The following MAGEA6 variants were observed in gnomAD, a reference collection of about 807,000 sequenced individuals.
MAGEA6 encodes the protein melanoma-associated antigen 6.
For synonymous variants in MAGEA6, 100 were observed against 98.8 expected (o/e 1.01, Z -0.07); for missense variants, 281 against 231.4 (o/e 1.21, Z -1.39).
chrX:152,766,398 G>C lies in MAGEA6; in HGVS notation c.*308C>G, dbSNP rs1471265369. On this transcript the variant is annotated 3_prime_UTR_variant, in exon 3 of 3. Transcript: ENST00000329342. ...ATTTCCCAATCTGAATAAAAAACAA[G>C]ACTCTTACTCCTAAACTATATAAAC... The C allele has an allele frequency of 3.2e-5, 12 of 377,267 alleles. No individual in the cohort carries two copies. The highest frequency in any genetic ancestry group is 1.3e-4 in the South Asian group (4 of 30,030). 31.1% of individuals were successfully genotyped at this position (377,267 alleles called of 1,213,427 possible).
chrX:152,766,667 C>G lies in MAGEA6; in HGVS notation c.*39G>C, dbSNP rs782658437. The G allele has an allele frequency of 4.2e-6, 5 of 1,187,331 alleles. No individual in the cohort carries two copies. Among genetic ancestry groups the G allele is most frequent in the Non-Finnish European group, 3.4e-6 (3 of 881,080 alleles). On this transcript the variant is annotated 3_prime_UTR_variant, in exon 3 of 3. Transcript: ENST00000329342. Reference sequence around the variant, plus strand: ...GCCCCGGAAGGTGCACTGGCCCAAACCCCCTCCCACTGGCCCTGGCTGCAA... The same window carrying G: ...GCCCCGGAAGGTGCACTGGCCCAAAGCCCCTCCCACTGGCCCTGGCTGCAA...
In MAGEA6 at chrX:152,766,749, T is replaced by C. The variant is rs2124948007; in HGVS notation, c.902A>G (p.Tyr301Cys). ...VKISGGPRIS[Y>C]PLLHEWALRE... ...CAAAGCCCACTCATGCAGGAGTGGG[T>C]AGGAAATGCGAGGTCCTCCACTGAT... Residue 301 changes from tyrosine (Y) to cysteine (C), a missense_variant, in exon 3 of 3, where the codon TAC (tyrosine) becomes TGC (cysteine). By Grantham distance (194) the Tyr-to-Cys change is radical (BLOSUM62 -2). Transcript: ENST00000329342. 5.0e-6 allele frequency: 6 copies of C among 1,209,821 alleles called. No homozygotes were observed. Among genetic ancestry groups the C allele is most frequent in the Non-Finnish European group, 3.4e-6 (3 of 894,443 alleles).
At position 152,766,456 on chromosome X, in the gene MAGEA6, C is replaced by G; in HGVS notation, c.*250G>C. Reference sequence around the variant, plus strand: ...TGTGTGACTACTGTCATTCATAAACCTGGATGCTGACGCTCATTCAACCAT... The same window carrying G: ...TGTGTGACTACTGTCATTCATAAACGTGGATGCTGACGCTCATTCAACCAT... On this transcript the variant is annotated 3_prime_UTR_variant, in exon 3 of 3. Coordinates refer to ENST00000329342, the MANE Select transcript of MAGEA6 (RefSeq NM_005363.5). The G allele has an allele frequency of 2.4e-6, 1 of 423,125 alleles. No homozygotes were observed. The highest frequency in any genetic ancestry group is 4.1e-5 in the Admixed American group (1 of 24,563). The allele number at this position is 423,125 out of a possible 1,213,427, so 34.9% of individuals were successfully genotyped here.
rs1556836862 is a variant in MAGEA6, at chrX:152,766,747, G to A, written c.904C>T (p.Pro302Ser). 2 of 1,210,422 alleles carry A rather than the reference G, an allele frequency of 1.7e-6. No homozygotes were observed. The highest frequency in any genetic ancestry group is 2.2e-5 in the Admixed American group (1 of 46,005). ...KISGGPRISY[P>S]LLHEWALREG... ...CTCAAAGCCCACTCATGCAGGAGTG[G>A]GTAGGAAATGCGAGGTCCTCCACTG... The change falls in exon 3 of 3, where the codon CCA becomes TCA. Residue 302 changes from proline to serine, a missense_variant. Physicochemically the swap from Pro to Ser is moderately conservative, Grantham distance 74. Transcript: ENST00000329342.
rs1189962422 is a variant in MAGEA6, at chrX:152,767,427, A to G, written c.224T>C (p.Met75Thr). 1.7e-6 allele frequency: 2 copies of G among 1,197,480 alleles called. No homozygotes were observed. The highest frequency in any genetic ancestry group is 2.2e-6 in the Non-Finnish European group (2 of 889,429). ...GGATTGGCTCCAGAGAGGGTAGTTCATGGTAGTGGGGAGGCTGGAGGCTCC... is the reference window on the plus strand; with the variant it reads ...GGATTGGCTCCAGAGAGGGTAGTTCGTGGTAGTGGGGAGGCTGGAGGCTCC... ...PQGASSLPTT[M>T]NYPLWSQSYE... Residue 75 changes from methionine to threonine, a missense_variant, in exon 3 of 3, where the codon ATG becomes ACG. Coordinates refer to ENST00000329342, the MANE Select transcript of MAGEA6 (RefSeq NM_005363.5).
At position 152,767,278 on chromosome X, in the gene MAGEA6, G is replaced by T; in HGVS notation, c.373C>A (p.Arg125=). ...GCCTTTGTGACCGGCTCCCTGGCTC[G>T]ATACTTGAGGAGCAGAAAATGAACC... The part of the protein sequence containing the change: ...KLVHFLLLKY[R]AREPVTKAEM... The change falls in exon 3 of 3, where the codon CGA becomes AGA. Residue 125 remains arginine, a synonymous_variant. Transcript: ENST00000329342. 5.0e-6 allele frequency: 6 copies of T among 1,210,460 alleles called. No homozygotes were observed. The highest frequency in any genetic ancestry group is 5.6e-6 in the Non-Finnish European group (5 of 894,659).
rs1377414457 is a variant in MAGEA6 at position 152,767,817 on chromosome X, C to T, written c.-87G>A. ...TTACAGATCTTCTCCTTCAGTGCTC[C>T]TCCGGGGGCCTCTGTTCCTCCACGT... On this transcript the variant is annotated 5_prime_UTR_variant, in exon 2 of 3. Coordinates refer to ENST00000329342, the MANE Select transcript of MAGEA6 (RefSeq NM_005363.5). 210 of 254,184 alleles carry T rather than the reference C, an allele frequency of 8.3e-4. 27 individuals carry two copies. The highest frequency in any genetic ancestry group is 5.8e-3 in the African/African-American group (194 of 33,677). The allele number at this position is 254,184 out of a possible 1,213,427, so 20.9% of individuals were successfully genotyped here. A position where few individuals can be genotyped will look rare whatever the true frequency, so the allele number is the denominator to read the frequency against.
Position 152,766,419 on chromosome X carries a change from TA to T in MAGEA6, c.*286del. The T allele has an allele frequency of 2.4e-6, 1 of 409,303 alleles. No homozygotes were observed. The highest frequency in any genetic ancestry group is 4.5e-6 in the Non-Finnish European group (1 of 223,627). The allele number at this position is 409,303 out of a possible 1,213,427, so 33.7% of individuals were successfully genotyped here. A position where few individuals can be genotyped will look rare whatever the true frequency, so the allele number is the denominator to read the frequency against. On this transcript the variant is annotated 3_prime_UTR_variant, in exon 3 of 3. Coordinates refer to ENST00000329342, the MANE Select transcript of MAGEA6 (RefSeq NM_005363.5). ...ACAAGACTCTTACTCCTAAACTATA[TA>T]AACAGCACTATGTGTGACTACTGTC...
In MAGEA6 at chrX:152,766,634, G is replaced by C. The variant is rs3567; in HGVS notation, c.*72C>G. 150 of 1,114,790 alleles carry C rather than the reference G, an allele frequency of 1.3e-4. No individual in the cohort carries two copies. The highest frequency in any genetic ancestry group is 1.3e-3 in the African/African-American group (73 of 54,450). 91.9% of individuals were successfully genotyped at this position (1,114,790 alleles called of 1,213,427 possible). ...CGTCACAGGAGGCAGTGGAAACTAA[G>C]GGATGGGGCCCCGGAAGGTGCACTG... On this transcript the variant is annotated 3_prime_UTR_variant, in exon 3 of 3. Transcript: ENST00000329342.
chrX:152,766,901 G>A lies in MAGEA6; in HGVS notation c.750C>T (p.Phe250=), dbSNP rs782585932. 5.8e-6 allele frequency: 7 copies of A among 1,209,303 alleles called. No individual in the cohort carries two copies. Among genetic ancestry groups the A allele is most frequent in the East Asian group, 3.0e-5 (1 of 33,738 alleles). ...GGTACTCCAGGTAGTTTTCCTGCACGAAATATTGGGTGAGCAGCTTCTTGG... is the reference window on the plus strand; with the variant it reads ...GGTACTCCAGGTAGTTTTCCTGCACAAAATATTGGGTGAGCAGCTTCTTGG... The part of the protein sequence containing the change: ...GDPKKLLTQY[F]VQENYLEYRQ... Residue 250 remains phenylalanine, a synonymous_variant, in exon 3 of 3, where the codon TTC becomes TTT. Coordinates refer to ENST00000329342, the MANE Select transcript of MAGEA6 (RefSeq NM_005363.5).
chrX:152,767,089 C>T lies in MAGEA6; in HGVS notation c.562G>A (p.Gly188Ser), dbSNP rs1932748747. The stretch of plus-strand genomic sequence containing the variant: ...ATGATCTGATTGTCACCCAGCAGGC[C>T]ATCGTAGGAGAGGCCCAGGCAGGTG... ...FATCLGLSYD[G>S]LLGDNQIMPK... is the part of the protein sequence containing the mutation. The change falls in exon 3 of 3, where the codon GGC becomes AGC. Residue 188 changes from glycine to serine, a missense_variant. Gly to Ser is a moderately conservative substitution (Grantham distance 56, BLOSUM62 0). Coordinates refer to ENST00000329342, the MANE Select transcript of MAGEA6 (RefSeq NM_005363.5). The T allele has an allele frequency of 9.1e-6, 11 of 1,210,789 alleles. No homozygotes were observed. Among genetic ancestry groups the T allele is most frequent in the Non-Finnish European group, 1.2e-5 (11 of 894,746 alleles).
At chrX:152,768,506 G>A (rs1932768138) in intron 1 of MAGEA6, among the ~76,000 whole-genome samples, 1 of 76,713 alleles carries the variant, frequency 1.3e-5, no homozygotes, top group African/African-American at 4.1e-5. Flanking sequence ...CTACTGCCCT[G>A]AGTGCAGTCC....
chrX:152,766,698 G>A lies in MAGEA6; in HGVS notation c.*8C>T. ...CCCACTGGCCCTGGCTGCAACTCGT[G>A]CTCAGACTCACTCTTCCCCCTCTCT... On this transcript the variant is annotated 3_prime_UTR_variant, in exon 3 of 3. Coordinates refer to ENST00000329342, the MANE Select transcript of MAGEA6 (RefSeq NM_005363.5). The A allele has an allele frequency of 8.3e-7, 1 of 1,206,207 alleles. No homozygotes were observed.
At position 152,767,277 on chromosome X, in the gene MAGEA6, C is replaced by T. The variant is rs782174313; in HGVS notation, c.374G>A (p.Arg125Gln). 362 of 1,208,553 alleles carry T rather than the reference C, an allele frequency of 3.0e-4. No individual in the cohort carries two copies. Among genetic ancestry groups the T allele is most frequent in the Non-Finnish European group, 3.9e-4 (346 of 894,311 alleles). Residue 125 changes from arginine (R) to glutamine (Q), a missense_variant, in exon 3 of 3, where the codon CGA (arginine) becomes CAA (glutamine). Arg to Gln is a conservative substitution (Grantham distance 43, BLOSUM62 1). Coordinates refer to ENST00000329342, the MANE Select transcript of MAGEA6 (RefSeq NM_005363.5). Reference sequence around the variant, plus strand: ...TGCCTTTGTGACCGGCTCCCTGGCTCGATACTTGAGGAGCAGAAAATGAAC... The same window carrying T: ...TGCCTTTGTGACCGGCTCCCTGGCTTGATACTTGAGGAGCAGAAAATGAAC... ...KLVHFLLLKY[R>Q]AREPVTKAEM...
At position 152,766,793 on chromosome X, in the gene MAGEA6, G is replaced by T; in HGVS notation, c.858C>A (p.Val286=). 3 of 1,210,725 alleles carry T rather than the reference G, an allele frequency of 2.5e-6. No individual in the cohort carries two copies. Among genetic ancestry groups the T allele is most frequent in the African/African-American group, 1.7e-5 (1 of 57,732 alleles). The change falls in exon 3 of 3, where the codon GTC becomes GTA. Residue 286 remains valine, a synonymous_variant. Transcript: ENST00000329342. ...RALIETSYVK[V]LHHMVKISGG... is the part of the protein sequence containing the mutation. ...CACTGATCTTTACCATATGGTGCAG[G>T]ACTTTCACATAGCTGGTTTCAATGA...
chrX:152,767,231 G>A lies in MAGEA6; in HGVS notation c.420C>T (p.Val140=), dbSNP rs782249732. The part of the protein sequence containing the change: ...VTKAEMLGSV[V]GNWQYFFPVI... ...CAGGAAAGAAGTACTGCCAATTTCC[G>A]ACGACACTCCCCAGCATTTCTGCCT... The change falls in exon 3 of 3, where the codon GTC becomes GTT. Residue 140 remains valine (V), a synonymous_variant. Transcript: ENST00000329342. 8.3e-7 allele frequency: 1 copy of A among 1,210,484 alleles called. No individual in the cohort carries two copies. Among genetic ancestry groups the A allele is most frequent in the Non-Finnish European group, 1.1e-6 (1 of 894,644 alleles).
At position 152,766,716 on chromosome X, in the gene MAGEA6, C is replaced by G. The variant is rs782098628; in HGVS notation, c.935G>C (p.Gly312Ala). 8.3e-7 allele frequency: 1 copy of G among 1,207,259 alleles called. No individual in the cohort carries two copies. The highest frequency in any genetic ancestry group is 2.2e-5 in the Admixed American group (1 of 45,683). Residue 312 changes from glycine to alanine, a missense_variant, in exon 3 of 3, where the codon GGG becomes GCG. Transcript: ENST00000329342. ...AACTCGTGCTCAGACTCACTCTTCC[C>G]CCTCTCTCAAAGCCCACTCATGCAG... Reference protein sequence around the residue: ...PLLHEWALREGEE With the variant: ...PLLHEWALREAEE
Position 152,766,838 on chromosome X carries a change from G to T in MAGEA6, c.813C>A (p.Phe271Leu). The T allele has an allele frequency of 8.3e-7, 1 of 1,210,848 alleles. No homozygotes were observed. Among genetic ancestry groups the T allele is most frequent in the Non-Finnish European group, 1.1e-6 (1 of 894,735 alleles). The stretch of plus-strand genomic sequence containing the variant: ...CAATGAGGGCCCTTGGACCCCACAG[G>T]AACTCATAGCATGCAGGATCACTGC... The part of the protein sequence containing the change: ...VPGSDPACYE[F>L]LWGPRALIET... The change falls in exon 3 of 3, where the codon TTC becomes TTA. Residue 271 changes from phenylalanine (F) to leucine (L), a missense_variant. Coordinates refer to ENST00000329342, the MANE Select transcript of MAGEA6 (RefSeq NM_005363.5).
chrX:152,766,646 C>G lies in MAGEA6; in HGVS notation c.*60G>C. 8.7e-7 allele frequency: 1 copy of G among 1,155,250 alleles called. No homozygotes were observed. The highest frequency in any genetic ancestry group is 1.2e-6 in the Non-Finnish European group (1 of 859,958). The stretch of plus-strand genomic sequence containing the variant: ...CAGTGGAAACTAAGGGATGGGGCCC[C>G]GGAAGGTGCACTGGCCCAAACCCCC... On this transcript the variant is annotated 3_prime_UTR_variant, in exon 3 of 3. Transcript: ENST00000329342.
Sources: gnomAD v4.1 joint callset for allele counts (sites outside exome capture counted in the v4.1 genomes callset) on GRCh38, gnomAD v4.1.1 for gene constraint, MANE v1.5 for transcripts, NCBI Gene and HGNC (gene_info 2026-07-23, HGNC 2026-07-21) for gene names.